Variants in GRID1 observed in about 807,000 individuals in gnomAD.
GRID1 encodes the protein glutamate ionotropic receptor delta type subunit 1, also known as glutamate receptor ionotropic, delta-1.
GRID1 carries 28 observed loss-of-function variants against 98.0 expected under a neutral mutation model. The observed-to-expected ratio is 0.29, with a 90% CI of 0.21 to 0.39. GRID1 has a LOEUF of 0.39. GRID1 is among the 10% of genes least tolerant of loss of function. The pLI, the probability that GRID1 is intolerant of heterozygous loss-of-function variation, is 1.00. For missense variants in GRID1, 1,111 were observed against 1,340.5 expected, an observed-to-expected ratio of 0.83 and a Z score of 2.67; for synonymous variants, 553 against 538.5, an observed-to-expected ratio of 1.03 and a Z score of -0.37.
chr10:85,663,001 A>T (rs1011102531), intron 12 of GRID1, among the ~76,000 whole-genome samples: 2 of 152,138 alleles, frequency 1.3e-5, no homozygotes, highest in Non-Finnish European at 2.9e-5. Flanking sequence ...TCCCTCTCGT[A>T]TGCCACATGG....
chr10:85,991,120 C>T lies in GRID1; in HGVS notation c.727-74881G>A, dbSNP rs1054846176. Among the ~76,000 whole-genome samples the T allele has an allele frequency of 6.6e-5, 10 of 152,202 alleles. No individual in the cohort carries two copies. In the East Asian group the frequency reaches 1.9e-3, roughly 30 times the overall value. ...GAAGGGGGCAAGAGTAGAGAGATGCCCAGAGTTGCCTGATTGTCTGTGGAT... is the reference window on the plus strand; with the variant it reads ...GAAGGGGGCAAGAGTAGAGAGATGCTCAGAGTTGCCTGATTGTCTGTGGAT... On this transcript the variant is annotated intron_variant, in intron 4 of 15. Transcript: ENST00000327946.
intron 11 of GRID1, 99 bp from the exon 12 acceptor site, chr10:85,723,240 C>T (rs1380660766): frequency 7.4e-6 from 9 of 1,208,520 alleles, no homozygotes; most frequent in Non-Finnish European, 8.9e-6. Flanking sequence ...CAGGCCATCA[C>T]TCGTGATGGG....
At chr10:86,046,136 G>A (rs1843419911) in intron 4 of GRID1, among the ~76,000 whole-genome samples, 1 of 152,152 alleles carries the variant, frequency 6.6e-6, no homozygotes. Flanking sequence ...CAACACCCAG[G>A]AGTTATTGCC....
intron 4 of GRID1, among the ~76,000 whole-genome samples, chr10:86,005,010 G>A (rs925852439): frequency 1.3e-5 from 2 of 152,096 alleles, no homozygotes; most frequent in Admixed American, 6.5e-5. Context: ...ACTTACCAAC[G>A]TCACATCAGG....
intron 2 of GRID1, among the ~76,000 whole-genome samples, chr10:86,313,054 G>A (rs887201377): frequency 6.6e-5 from 10 of 152,236 alleles, no homozygotes; most frequent in Non-Finnish European, 1.5e-4. Flanking sequence ...AGGCTCTAGG[G>A]CTGAGAGAGG....
chr10:85,860,642 G>A (rs1843155866), intron 6 of GRID1, among the ~76,000 whole-genome samples: 1 of 152,194 alleles, frequency 6.6e-6, no homozygotes, highest in Non-Finnish European at 1.5e-5. Flanking sequence ...TAGGGTTGCA[G>A]CTTAGGCAAG....
chr10:85,772,650 G>A (rs1354008612), intron 8 of GRID1, among the ~76,000 whole-genome samples: 15 of 152,238 alleles, frequency 9.9e-5, no homozygotes, highest in South Asian at 2.1e-4. Flanking sequence ...TATCACCACC[G>A]ATCCCACAGA....
chr10:86,193,032 CTCCCAGT>C (rs1845827399), intron 3 of GRID1, among the ~76,000 whole-genome samples: 1 of 152,056 alleles, frequency 6.6e-6, no homozygotes, highest in Non-Finnish European at 1.5e-5. Flanking sequence ...GAAAAAATGC[CTCCCAGT>C]TCCCTTAGCC....
At chr10:85,738,070 C>T (rs143308873) in intron 8 of GRID1, among the ~76,000 whole-genome samples, 42 of 152,222 alleles carry the variant, frequency 2.8e-4, no homozygotes, top group African/African-American at 8.4e-4. Context: ...AGCTCTTCTC[C>T]ACCAAACCTC....
At chr10:85,996,896 T>C (rs966732016) in intron 4 of GRID1, among the ~76,000 whole-genome samples, 7 of 150,742 alleles carry the variant, frequency 4.6e-5, no homozygotes, top group Non-Finnish European at 1.0e-4. Flanking sequence ...GGCTTAAAAC[T>C]TATCAAATTT....
chr10:86,269,659 A>G (rs1053697175), intron 2 of GRID1, among the ~76,000 whole-genome samples: 10 of 152,010 alleles, frequency 6.6e-5, no homozygotes, highest in Non-Finnish European at 1.3e-4. Context: ...CCCTTTCCTC[A>G]GGCCCCATCT....
chr10:85,806,740 T>C (rs939606152), intron 8 of GRID1, among the ~76,000 whole-genome samples: 5 of 152,258 alleles, frequency 3.3e-5, no homozygotes, highest in Non-Finnish European at 4.4e-5. Context: ...GAATAGATAA[T>C]ATTTATAGTG....
At chr10:86,294,205 C>T (rs1173579938) in intron 2 of GRID1, among the ~76,000 whole-genome samples, 2 of 152,096 alleles carry the variant, frequency 1.3e-5, no homozygotes, top group South Asian at 2.1e-4. Flanking sequence ...AGAGGTATAC[C>T]GGTTCTGGTG....
At chr10:85,928,534 G>A (rs1841807001) in intron 4 of GRID1, among the ~76,000 whole-genome samples, 1 of 152,222 alleles carries the variant, frequency 6.6e-6, no homozygotes, top group African/African-American at 2.4e-5. Flanking sequence ...AAGGCTGGGA[G>A]CTGGGCCAAA....
chr10:86,126,740 AG>A (rs746794847), intron 4 of GRID1, among the ~76,000 whole-genome samples: 24 of 152,368 alleles, frequency 1.6e-4, no homozygotes, highest in Admixed American at 1.0e-3. Flanking sequence ...GAGATTTCAC[AG>A]GAAGTCCAAA....
chr10:85,760,252 G>A (rs918384013), intron 8 of GRID1, among the ~76,000 whole-genome samples: 1 of 152,126 alleles, frequency 6.6e-6, no homozygotes, highest in African/African-American at 2.4e-5. Flanking sequence ...CTATATAAAT[G>A]GCAATTTTAT....
chr10:86,115,949 T>C (rs1408922299), intron 4 of GRID1, among the ~76,000 whole-genome samples: 1 of 152,240 alleles, frequency 6.6e-6, no homozygotes, highest in African/African-American at 2.4e-5. Context: ...CCATTAGATA[T>C]ACAAATACCA....
intron 8 of GRID1, among the ~76,000 whole-genome samples, chr10:85,847,079 G>A (rs1249592349): frequency 6.6e-6 from 1 of 152,136 alleles, no homozygotes; most frequent in Non-Finnish European, 1.5e-5. Flanking sequence ...CATCTAGCAG[G>A]AAACCCTCAC....
intron 2 of GRID1, among the ~76,000 whole-genome samples, chr10:86,281,810 T>C (rs1902686): frequency 1 from 152,091 of 152,304 alleles, 75,939 homozygotes; most frequent in Middle Eastern, 1. Flanking sequence ...TTAAAAGCTC[T>C]CCCAGATGAT....
Sources: gnomAD v4.1 joint callset for allele counts (sites outside exome capture counted in the v4.1 genomes callset) on GRCh38, gnomAD v4.1.1 for gene constraint, MANE v1.5 for transcripts, NCBI Gene and HGNC (gene_info 2026-07-23, HGNC 2026-07-21) for gene names.